TBC1D20: variants seen among roughly 807,000 people sequenced by gnomAD.
TBC1D20 encodes TBC1 domain family member 20, also known as chromosome 20 open reading frame 140.
TBC1D20 carries 12 observed loss-of-function variants against 41.6 expected under a neutral mutation model. The observed-to-expected ratio is 0.29, with a 90% CI of 0.18 to 0.47. The LOEUF (loss-of-function observed/expected upper bound fraction) is 0.47, where lower values mean the gene tolerates loss of function less well. Ranked by LOEUF, TBC1D20 falls within the 20% of genes least tolerant of loss-of-function variation. TBC1D20 has a pLI of 1.00. For synonymous variants in TBC1D20, 205 were observed against 204.8 expected (o/e 1.00, Z -0.01); for missense variants, 421 against 517.4 (o/e 0.81, Z 1.81).
Position 440,434 on chromosome 20 carries a change from C to T in TBC1D20, c.627-45G>A, listed in dbSNP as rs1216171355. On this transcript the variant is annotated intron_variant, in intron 5 of 7. Coordinates refer to ENST00000354200, the MANE Select transcript of TBC1D20 (RefSeq NM_144628.4). Reference sequence around the variant, plus strand: ...AGGTGTCAGGTCCTGTGGGCCATCCCTTCCCTCTCTCTGGGCCTTATAGCG... The same window carrying T: ...AGGTGTCAGGTCCTGTGGGCCATCCTTTCCCTCTCTCTGGGCCTTATAGCG... The T allele has an allele frequency of 1.9e-6, 3 of 1,609,532 alleles. No individual in the cohort carries two copies. The East Asian group carries it at 6.7e-5, about 36-fold the overall frequency.
chr20:440,106 A>T, intron 6 of TBC1D20, 142 bp downstream of exon 6: 1 of 1,085,144 alleles, frequency 9.2e-7, no homozygotes, highest in Non-Finnish European at 1.3e-6. Context: ...TTAATACTGC[A>T]CAGAATGGTG....
chr20:441,940 A>G lies in TBC1D20; in HGVS notation c.441T>C (p.His147=), dbSNP rs751819915. The G allele has an allele frequency of 2.5e-6, 4 of 1,613,986 alleles. No homozygotes were observed. The highest frequency in any genetic ancestry group is 3.4e-6 in the Non-Finnish European group (4 of 1,180,018). Residue 147 remains histidine, a synonymous_variant, in exon 4 of 8, where the codon CAT becomes CAC. Coordinates refer to ENST00000354200, the MANE Select transcript of TBC1D20 (RefSeq NM_144628.4). Reference sequence around the variant, plus strand: ...CCAGCAGAAATGTGACCACAATGTCATGGTAGCCCTGGTAGTAGTGCAGCT... The same window carrying G: ...CCAGCAGAAATGTGACCACAATGTCGTGGTAGCCCTGGTAGTAGTGCAGCT... ...NPQLHYYQGY[H]DIVVTFLLVV...
At chr20:451,177 A>C (rs973240133) in intron 1 of TBC1D20, among the ~76,000 whole-genome samples, 1 of 152,258 alleles carries the variant, frequency 6.6e-6, no homozygotes, top group African/African-American at 2.4e-5. Context: ...AAAAAGGAAG[A>C]GGAGCAAAAC....
Position 439,139 on chromosome 20 carries a change from G to A in TBC1D20, c.925C>T (p.Arg309Trp), listed in dbSNP as rs750354297. 8.1e-6 allele frequency: 13 copies of A among 1,613,816 alleles called. No homozygotes were observed. The highest frequency in any genetic ancestry group is 2.2e-5 in the South Asian group (2 of 91,010). ...GCTTGCTGTTGGGCAGCGGCCTCCC[G>A]AGCAAGTTCGGATGGGGGAAACTGA... is the stretch of plus-strand genomic sequence containing the variant. Reference protein sequence around the residue: ...FVQFPPSELAREAAAQQQAER... With the variant: ...FVQFPPSELAWEAAAQQQAER... Residue 309 changes from arginine (R) to tryptophan (W), a missense_variant, in exon 7 of 8, where the codon CGG (arginine) becomes TGG (tryptophan). By Grantham distance (101) the Arg-to-Trp change is moderately radical (BLOSUM62 -3). This residue lies in a region of TBC1D20 where 161 missense variants were observed against 182.7 expected (regional missense o/e 0.88). Transcript: ENST00000354200. This position sits in a 1 kb window ranked among gnomAD's most constrained non-coding sequence, Gnocchi z 4.6.
At chr20:442,322 C>T (rs1334488845) in intron 3 of TBC1D20, among the ~76,000 whole-genome samples, 2 of 152,190 alleles carry the variant, frequency 1.3e-5, no homozygotes, top group African/African-American at 4.8e-5. Flanking sequence ...ACTATGGGAG[C>T]CACAGACGGC....
At chr20:452,251 G>A (rs889087963) in intron 1 of TBC1D20, among the ~76,000 whole-genome samples, 1 of 152,176 alleles carries the variant, frequency 6.6e-6, no homozygotes, top group African/African-American at 2.4e-5. Flanking sequence ...AGGCTGGAGT[G>A]AGCCAAGATC....
At chr20:449,758 A>G (rs1270134773) in intron 1 of TBC1D20, among the ~76,000 whole-genome samples, 2 of 152,244 alleles carry the variant, frequency 1.3e-5, no homozygotes, top group Non-Finnish European at 2.9e-5. Context: ...CATGGTACAC[A>G]GTAGATACTT....
intron 3 of TBC1D20, 151 bp from the exon 4 acceptor site, chr20:442,194 CCTGGCATACAGGAAAAGGCAGCTG>C (rs2017247888): frequency 1.5e-6 from 1 of 685,780 alleles, no homozygotes. Context: ...GTTGATACCA[CCTGGCATACAGGAAAAGGCAGCTG>C]CTAGCTTTCC....
In TBC1D20 at chr20:451,405, G is replaced by A. The variant is rs146961055; in HGVS notation, c.71-3331C>T. On this transcript the variant is annotated intron_variant, in intron 1 of 7. Coordinates refer to ENST00000354200, the MANE Select transcript of TBC1D20 (RefSeq NM_144628.4). ...ACTTTAAAAATACAAAAAACTAGCC[G>A]GGCATGGTGGCAGGCGCTTGTGGTC... Among the ~76,000 whole-genome samples, 421 of 152,144 alleles carry A rather than the reference G, an allele frequency of 2.8e-3. 1 individual carries two copies. Among genetic ancestry groups the A allele is most frequent in the Middle Eastern group, 0.01 (3 of 294 alleles).
rs561454527 is a variant in TBC1D20 at position 439,988 on chromosome 20, T to C, written c.768+260A>G. On this transcript the variant is annotated intron_variant, in intron 6 of 7. Coordinates refer to ENST00000354200, the MANE Select transcript of TBC1D20 (RefSeq NM_144628.4). The surrounding 1 kb of genome is among the most constrained non-coding windows in gnomAD (Gnocchi z 4.6). The stretch of plus-strand genomic sequence containing the variant: ...CAACAGGAACCCTGACAATTCACAA[T>C]GCAGATTAGCATTTTAAAGGTTCAG... Among the ~76,000 whole-genome samples the C allele has an allele frequency of 6.6e-6, 1 of 152,328 alleles. No individual in the cohort carries two copies. Among genetic ancestry groups the C allele is most frequent in the Non-Finnish European group, 1.5e-5 (1 of 68,028 alleles).
intron 2 of TBC1D20, among the ~76,000 whole-genome samples, chr20:447,492 T>C (rs1169453745): frequency 1.3e-5 from 2 of 151,612 alleles, no homozygotes; most frequent in African/African-American, 4.8e-5. Flanking sequence ...ACCCCATCTC[T>C]ACTAAAAATA....
At chr20:449,709 T>A (rs1197800472) in intron 1 of TBC1D20, among the ~76,000 whole-genome samples, 1 of 152,222 alleles carries the variant, frequency 6.6e-6, no homozygotes, top group African/African-American at 2.4e-5. Context: ...TTCCCTGCTC[T>A]GGGCCTCTGG....
At chr20:446,828 C>T (rs960785683) in intron 2 of TBC1D20, among the ~76,000 whole-genome samples, 60 of 151,264 alleles carry the variant, frequency 4.0e-4, no homozygotes, top group Non-Finnish European at 1.5e-4. Flanking sequence ...GACAGGGTTT[C>T]GCAATGTTGC....
chr20:448,881 T>TA (rs979080434), intron 1 of TBC1D20, among the ~76,000 whole-genome samples: 6 of 144,894 alleles, frequency 4.1e-5, no homozygotes, highest in Non-Finnish European at 9.0e-5. Flanking sequence ...TCTCGGTCTG[T>TA]AGCCCAGGCT....
At chr20:447,455 C>G (rs929181323) in intron 2 of TBC1D20, among the ~76,000 whole-genome samples, 1 of 151,708 alleles carries the variant, frequency 6.6e-6, no homozygotes, top group Non-Finnish European at 1.5e-5. Context: ...GTCAGGAATT[C>G]GAGACCAGCC....
At chr20:453,541 T>A (rs1048108414) in intron 1 of TBC1D20, among the ~76,000 whole-genome samples, 1 of 112,550 alleles carries the variant, frequency 8.9e-6, no homozygotes, top group Non-Finnish European at 1.8e-5. Context: ...TAATCCAGCA[T>A]TTTTTTTTTT....
chr20:452,194 C>A (rs1204540517), intron 1 of TBC1D20, among the ~76,000 whole-genome samples: 1 of 152,178 alleles, frequency 6.6e-6, no homozygotes, highest in East Asian at 1.9e-4. Context: ...GTAATCCCAG[C>A]TACTCATGAG....
intron 1 of TBC1D20, among the ~76,000 whole-genome samples, chr20:453,178 A>C (rs1303349171): frequency 1.2e-4 from 17 of 144,856 alleles, no homozygotes; most frequent in Non-Finnish European, 2.1e-4. Flanking sequence ...AAAAAAAAAA[A>C]AAAAAAAAAA....
At chr20:447,724 T>G (rs184317052) in intron 2 of TBC1D20, among the ~76,000 whole-genome samples, 165 bp downstream of exon 2, 554 of 152,288 alleles carry the variant, frequency 3.6e-3, no homozygotes, top group Non-Finnish European at 6.3e-3. Flanking sequence ...ATTCTACTTA[T>G]CGGTTTGGCC....
Sources: allele counts gnomAD v4.1 joint callset (sites outside exome capture counted in the v4.1 genomes callset), GRCh38; gene constraint gnomAD v4.1.1; regional missense constraint gnomAD v4.1.1; non-coding constraint Gnocchi (gnomAD v3.1); transcripts MANE v1.5; gene names NCBI Gene and HGNC (gene_info 2026-07-23, HGNC 2026-07-21).